Variants in CFAP58 observed in about 807,000 individuals in gnomAD.
CFAP58 encodes the protein cilia- and flagella-associated protein 58.
Under a neutral mutation model 119.5 loss-of-function variants are expected in CFAP58, and 88 were observed. That is an observed-to-expected ratio of 0.74 (90% confidence interval 0.62 to 0.88). The LOEUF is 0.88. CFAP58 is among the 40% of genes least tolerant of loss of function. CFAP58 has a pLI of 0.00. For synonymous variants in CFAP58, 365 were observed against 366.3 expected (o/e 1.00, Z 0.04); for missense variants, 990 against 1,021.2 (o/e 0.97, Z 0.42).
At chr10:104,435,013 T>C (rs770495669) in intron 15 of CFAP58, among the ~76,000 whole-genome samples, 4 of 152,220 alleles carry the variant, frequency 2.6e-5, no homozygotes, top group Admixed American at 1.3e-4. Flanking sequence ...TTATGAAAAG[T>C]GACTGGCATA....
At chr10:104,438,108 A>G (rs1243951329) in intron 15 of CFAP58, among the ~76,000 whole-genome samples, 4 of 152,170 alleles carry the variant, frequency 2.6e-5, no homozygotes, top group African/African-American at 9.6e-5. Context: ...TTGAGATGCC[A>G]TTTTACTGTT....
At chr10:104,354,921 T>G (rs1021043455) in intron 1 of CFAP58, among the ~76,000 whole-genome samples, 3 of 152,112 alleles carry the variant, frequency 2.0e-5, no homozygotes, top group African/African-American at 7.2e-5. Context: ...CCATTCTAGT[T>G]ACTCTCTTGC....
At chr10:104,365,683 T>G in intron 4 of CFAP58, 131 bp from the exon 5 acceptor site, 2 of 692,184 alleles carry the variant, frequency 2.9e-6, no homozygotes, top group East Asian at 5.4e-5. Flanking sequence ...ATGTCTGCCC[T>G]ATAGGGGAAA....
Position 104,403,771 on chromosome 10 carries a change from G to T in CFAP58, c.2082G>T (p.Arg694Ser). The T allele has an allele frequency of 6.2e-7, 1 of 1,612,574 alleles. No homozygotes were observed. Among genetic ancestry groups the T allele is most frequent in the Non-Finnish European group, 8.5e-7 (1 of 1,179,534 alleles). ...TGCAAAGAGAATTGTTGAAGGAGAG[G>T]ACACGCTGCCGAGCCCTGGAGGAGG... ...FHMQRELLKE[R>S]TRCRALEEEL... The change falls in exon 14 of 18, where the codon AGG becomes AGT. Residue 694 changes from arginine (R) to serine (S), a missense_variant. Physicochemically the swap from Arg to Ser is moderately radical, Grantham distance 110 (BLOSUM62 -1). Coordinates refer to ENST00000369704, the MANE Select transcript of CFAP58 (RefSeq NM_001008723.2).
intron 9 of CFAP58, among the ~76,000 whole-genome samples, chr10:104,388,243 A>G (rs2011963874): frequency 1.3e-5 from 2 of 152,240 alleles, no homozygotes; most frequent in Admixed American, 6.5e-5. Context: ...TTAACTTTTT[A>G]AAGTACTAGT....
chr10:104,342,844 CAAAA>C, the CFAP58 span, among the ~76,000 whole-genome samples: 12 of 48,512 alleles, frequency 2.5e-4, no homozygotes, highest in South Asian at 1.0e-3. Flanking sequence ...GACCCTGTAT[CAAAA>C]AAAAAAAAAA....
intron 4 of CFAP58, 111 bp downstream of exon 4, chr10:104,365,000 A>G (rs2014723521): frequency 2.8e-6 from 3 of 1,057,342 alleles, no homozygotes; most frequent in East Asian, 5.5e-5. Flanking sequence ...CTAGCGCCCA[A>G]ATGAAACATC....
chr10:104,338,992 T>C, the CFAP58 span, among the ~76,000 whole-genome samples: 1 of 148,716 alleles, frequency 6.7e-6, no homozygotes, highest in Non-Finnish European at 1.5e-5. Flanking sequence ...CACCGCAACC[T>C]CCGCCTCCCG....
At position 104,358,526 on chromosome 10, in the gene CFAP58, A is replaced by G; in HGVS notation, c.195A>G (p.Arg65=). 1 of 1,614,186 alleles carries G rather than the reference A, an allele frequency of 6.2e-7. No homozygotes were observed. The highest frequency in any genetic ancestry group is 8.5e-7 in the Non-Finnish European group (1 of 1,180,032). Residue 65 remains arginine (R), a synonymous_variant, in exon 2 of 18, where the codon AGA becomes AGG. Transcript: ENST00000369704. The part of the protein sequence containing the change: ...DNEKRLMAKC[R]ELNAEIVVNS... Reference sequence around the variant, plus strand: ...AAAAGCGTCTGATGGCCAAATGCAGAGAGCTAAATGCAGAGATTGTAGTGA... The same window carrying G: ...AAAAGCGTCTGATGGCCAAATGCAGGGAGCTAAATGCAGAGATTGTAGTGA...
chr10:104,396,369 TGAGAGAGAGAGAGAGAGAGAGAGAGAGA>T (rs57210958), intron 11 of CFAP58, among the ~76,000 whole-genome samples: 1,945 of 86,838 alleles, frequency 0.022, 35 homozygotes, highest in East Asian at 0.065. Flanking sequence ...CTGTTATCCA[TGAGAGAGAGAGAGAGAGAGAGAGAGAGA>T]GAGAGAGAGA....
At chr10:104,358,091 A>G (rs1049303920) in intron 1 of CFAP58, among the ~76,000 whole-genome samples, 1 of 149,640 alleles carries the variant, frequency 6.7e-6, no homozygotes, top group Non-Finnish European at 1.5e-5. Flanking sequence ...ATATACACAC[A>G]TATATATGTA....
rs544796455 is a variant in CFAP58, at chr10:104,442,449, G to A, written c.2257-5249G>A. 7.9e-5 allele frequency among the ~76,000 whole-genome samples: 12 copies of A among 152,116 alleles called. No individual in the cohort carries two copies. In the South Asian group the frequency reaches 2.3e-3, roughly 29 times the overall value. ...CTGAAAATACAAAAATTAGCTGGGC[G>A]TGGTGGCATGCCTCTGTAATCCCAG... On this transcript the variant is annotated intron_variant, in intron 15 of 17. Transcript: ENST00000369704.
intron 15 of CFAP58, among the ~76,000 whole-genome samples, chr10:104,437,892 C>T (rs1454297446): frequency 6.6e-6 from 1 of 151,754 alleles, no homozygotes; most frequent in Non-Finnish European, 1.5e-5. Flanking sequence ...GTATCTGCTC[C>T]CCAAGAGAAA....
chr10:104,454,672 A>G lies in CFAP58; in HGVS notation c.*142A>G, dbSNP rs1445314063. On this transcript the variant is annotated 3_prime_UTR_variant, in exon 18 of 18. Transcript: ENST00000369704. The stretch of plus-strand genomic sequence containing the variant: ...AGAAATGCAGAACTATCATAGTCAC[A>G]TACATATAAGAGGGATGGTGTTTTG... The G allele has an allele frequency of 4.7e-6, 3 of 642,876 alleles. No individual in the cohort carries two copies. Among genetic ancestry groups the G allele is most frequent in the Non-Finnish European group, 8.4e-6 (3 of 358,864 alleles). The allele number at this position is 642,876 out of a possible 1,614,324, so 39.8% of individuals were successfully genotyped here.
At chr10:104,440,348 T>TA (rs11346105) in intron 15 of CFAP58, among the ~76,000 whole-genome samples, 6 of 151,912 alleles carry the variant, frequency 3.9e-5, no homozygotes, top group South Asian at 2.1e-4. Context: ...AGTTGAATTT[T>TA]AAAAAAACCA....
intron 15 of CFAP58, among the ~76,000 whole-genome samples, chr10:104,443,168 T>G (rs2013066226): frequency 6.6e-6 from 1 of 152,224 alleles, no homozygotes; most frequent in Non-Finnish European, 1.5e-5. Context: ...GATAAAATAT[T>G]GTTGGTAGTA....
chr10:104,401,258 A>G (rs2012260412), intron 13 of CFAP58, among the ~76,000 whole-genome samples: 1 of 152,232 alleles, frequency 6.6e-6, no homozygotes, highest in African/African-American at 2.4e-5. Flanking sequence ...ATAAGTCAGT[A>G]TGCAAGAGAG....
chr10:104,411,040 A>G (rs1589926471), intron 15 of CFAP58, among the ~76,000 whole-genome samples: 2 of 152,082 alleles, frequency 1.3e-5, no homozygotes, highest in East Asian at 3.9e-4. Context: ...CCCAGGTTCA[A>G]GCGATTCTCC....
chr10:104,376,008 T>C (rs1041085284), intron 7 of CFAP58, among the ~76,000 whole-genome samples: 1 of 152,118 alleles, frequency 6.6e-6, no homozygotes, highest in Non-Finnish European at 1.5e-5. Context: ...GGTACCTGGC[T>C]CTTTTTTGAT....
Sources: allele counts gnomAD v4.1 joint callset (sites outside exome capture counted in the v4.1 genomes callset), GRCh38; gene constraint gnomAD v4.1.1; transcripts MANE v1.5; gene names NCBI Gene and HGNC (gene_info 2026-07-23, HGNC 2026-07-21).